Variants in RALYL observed in about 807,000 individuals in gnomAD.
RALYL encodes RNA-binding Raly-like protein.
RALYL carries 29 observed loss-of-function variants against 35.1 expected under a neutral mutation model. The ratio of observed to expected loss-of-function variants is 0.83; its 90% confidence interval spans 0.61 to 1.13. The LOEUF is 1.13. Among genes scored for constraint, RALYL ranks in the 50% most tolerant of loss-of-function variants. The pLI, the probability that RALYL is intolerant of heterozygous loss-of-function variation, is 0.00. For missense variants in RALYL, 359 were observed against 360.4 expected, an observed-to-expected ratio of 1.00 and a Z score of 0.03; for synonymous variants, 120 against 127.6, an observed-to-expected ratio of 0.94 and a Z score of 0.40.
intron 1 of RALYL, among the ~76,000 whole-genome samples, chr8:84,478,477 C>G (rs146345039): frequency 2.6e-3 from 389 of 152,274 alleles, no homozygotes; most frequent in Non-Finnish European, 4.8e-3. Context: ...GTTTTCTATA[C>G]TAATCACTTT....
intron 8 of RALYL, among the ~76,000 whole-genome samples, chr8:84,901,008 T>C (rs1453042887): frequency 6.6e-6 from 1 of 152,148 alleles, no homozygotes; most frequent in Non-Finnish European, 1.5e-5. Context: ...CTGTGTTTGC[T>C]AATTGCTGCT....
chr8:84,470,220 C>T (rs1167757812), intron 1 of RALYL, among the ~76,000 whole-genome samples: 1 of 152,162 alleles, frequency 6.6e-6, no homozygotes, highest in Non-Finnish European at 1.5e-5. Flanking sequence ...AAGATGTACA[C>T]ATCCACTTGC....
At chr8:84,712,680 C>T (rs954230415) in intron 2 of RALYL, among the ~76,000 whole-genome samples, 1 of 152,124 alleles carries the variant, frequency 6.6e-6, no homozygotes, top group African/African-American at 2.4e-5. Context: ...AAAACCGTGG[C>T]ATTTACTCTG....
chr8:84,567,021 G>A (rs1369674281), intron 2 of RALYL, among the ~76,000 whole-genome samples: 1 of 151,652 alleles, frequency 6.6e-6, no homozygotes, highest in East Asian at 1.9e-4. Context: ...TATTGAATAT[G>A]GAAAGAATCA....
intron 1 of RALYL, among the ~76,000 whole-genome samples, chr8:84,188,908 G>A (rs749515116): frequency 4.6e-5 from 7 of 151,960 alleles, no homozygotes; most frequent in African/African-American, 9.7e-5. Flanking sequence ...TCTTCCTTAC[G>A]TTTAAAAAGA....
chr8:84,613,444 G>A (rs565427639), intron 2 of RALYL, among the ~76,000 whole-genome samples: 5 of 151,376 alleles, frequency 3.3e-5, no homozygotes, highest in South Asian at 2.1e-4. Context: ...AGAATCCACC[G>A]GATGTTGAAA....
intron 3 of RALYL, among the ~76,000 whole-genome samples, chr8:84,777,768 A>T (rs1248646202): frequency 6.6e-6 from 1 of 152,026 alleles, no homozygotes; most frequent in African/African-American, 2.4e-5. Flanking sequence ...CAGCCTCCCG[A>T]GTAGCTGGGA....
chr8:84,288,244 CCAGGCCACATCCG>C (rs1484111273), intron 1 of RALYL, among the ~76,000 whole-genome samples: 1 of 151,964 alleles, frequency 6.6e-6, no homozygotes, highest in Non-Finnish European at 1.5e-5. Flanking sequence ...ATCCCGACAC[CCAGGCCACATCCG>C]CAGGAATCAG....
At chr8:84,211,736 A>G (rs1340382982) in intron 1 of RALYL, among the ~76,000 whole-genome samples, 1 of 152,158 alleles carries the variant, frequency 6.6e-6, no homozygotes, top group Non-Finnish European at 1.5e-5. Context: ...ATGATTTTAT[A>G]TAGCTGTGTA....
intron 1 of RALYL, among the ~76,000 whole-genome samples, chr8:84,372,951 T>C (rs1057379720): frequency 8.2e-5 from 12 of 146,490 alleles, no homozygotes; most frequent in African/African-American, 3.0e-4. Flanking sequence ...TATTGTGAGA[T>C]GGTATCTCAT....
intron 1 of RALYL, among the ~76,000 whole-genome samples, chr8:84,340,727 G>A (rs1586798): frequency 0.41 from 62,602 of 151,906 alleles, 13,169 homozygotes; most frequent in East Asian, 0.51. Context: ...TCAGTGGGTA[G>A]TTAAGGTGTT....
chr8:84,858,759 G>T (rs1837531920), intron 5 of RALYL, among the ~76,000 whole-genome samples: 1 of 152,214 alleles, frequency 6.6e-6, no homozygotes, highest in South Asian at 2.1e-4. Context: ...ATATTTTGAA[G>T]AACCCCTATA....
chr8:84,392,439 CAAAA>C (rs796345781), intron 1 of RALYL, among the ~76,000 whole-genome samples: 2 of 143,874 alleles, frequency 1.4e-5, no homozygotes, highest in Non-Finnish European at 3.1e-5. Flanking sequence ...GAGTGAAAAA[CAAAA>C]AAAAAAATTG....
At chr8:84,706,152 C>T (rs1841171307) in intron 2 of RALYL, 3 of 1,175,906 alleles carry the variant, frequency 2.6e-6, no homozygotes, top group Non-Finnish European at 3.6e-6. Context: ...TCTTCAGATA[C>T]ATCCTGGTAG....
chr8:84,750,188 T>G (rs2133193441), intron 2 of RALYL, among the ~76,000 whole-genome samples: 1 of 152,306 alleles, frequency 6.6e-6, no homozygotes, highest in African/African-American at 2.4e-5. Context: ...GCCTTGTTAC[T>G]TTACATAATC....
chr8:84,771,661 T>G (rs568124974), intron 2 of RALYL, among the ~76,000 whole-genome samples: 2 of 152,176 alleles, frequency 1.3e-5, no homozygotes, highest in African/African-American at 4.8e-5. Flanking sequence ...TTTTCATGTG[T>G]TTATTCACCA....
intron 8 of RALYL, among the ~76,000 whole-genome samples, chr8:84,892,108 A>G (rs1283381898): frequency 6.6e-6 from 1 of 152,208 alleles, no homozygotes; most frequent in Non-Finnish European, 1.5e-5. Context: ...AGCACAGACT[A>G]TCTACATAAT....
At chr8:84,475,704 G>T (rs10088565) in intron 1 of RALYL, among the ~76,000 whole-genome samples, 3 of 152,062 alleles carry the variant, frequency 2.0e-5, no homozygotes, top group Non-Finnish European at 4.4e-5. Context: ...GAAAAAAAAG[G>T]CTTTTGAATC....
chr8:84,572,830 T>C (rs1010837281), intron 2 of RALYL, among the ~76,000 whole-genome samples: 2 of 151,740 alleles, frequency 1.3e-5, no homozygotes, highest in Admixed American at 6.6e-5. Flanking sequence ...TTTACTATCT[T>C]AACTGCCTTC....
Sources: allele counts gnomAD v4.1 joint callset (sites outside exome capture counted in the v4.1 genomes callset), GRCh38; gene constraint gnomAD v4.1.1; transcripts MANE v1.5; gene names NCBI Gene and HGNC (gene_info 2026-07-23, HGNC 2026-07-21).